Variants in TGS1 observed in about 807,000 individuals in gnomAD.
TGS1 encodes the protein trimethylguanosine synthase.
Under a neutral mutation model 92.2 loss-of-function variants are expected in TGS1, and 69 were observed. The observed-to-expected ratio is 0.75, with a 90% CI of 0.62 to 0.91. The LOEUF (loss-of-function observed/expected upper bound fraction) is 0.91. Among genes scored for constraint, TGS1 ranks in the 40% least tolerant of loss-of-function variants. TGS1 has a pLI of 0.00. For synonymous variants in TGS1, 345 were observed against 338.1 expected (o/e 1.02, Z -0.22); for missense variants, 1,062 against 1,001.2 (o/e 1.06, Z -0.82).
rs1803741147 is a variant in TGS1 at position 55,824,600 on chromosome 8, C to T, written c.2459C>T (p.Pro820Leu). 1.9e-6 allele frequency: 3 copies of T among 1,614,178 alleles called. No individual in the cohort carries two copies. Among genetic ancestry groups the T allele is most frequent in the Admixed American group, 1.7e-5 (1 of 60,020 alleles). Reference sequence around the variant, plus strand: ...TTTTAGGTGGCATCCTTAGCTGGGCCTGGAGGGCAAGTGGAAATAGAACAG... The same window carrying T: ...TTTTAGGTGGCATCCTTAGCTGGGCTTGGAGGGCAAGTGGAAATAGAACAG... Reference protein sequence around the residue: ...DIDQVASLAGPGGQVEIEQNF... With the variant: ...DIDQVASLAGLGGQVEIEQNF... The change falls in exon 13 of 13, where the codon CCT becomes CTT. Residue 820 changes from proline to leucine, a missense_variant. Coordinates refer to ENST00000260129, the MANE Select transcript of TGS1 (RefSeq NM_024831.8).
rs970001244 is a variant in TGS1, at chr8:55,786,742, A to G, written c.844A>G (p.Lys282Glu). Reference protein sequence around the residue: ...TYTSKTEADDKNDEKCMKVDL... With the variant: ...TYTSKTEADDENDEKCMKVDL... ...CACATCTAAAACAGAAGCTGATGAC[A>G]AGAACGATGAAAAATGCATGAAAGT... Residue 282 changes from lysine (K) to glutamate (E), a missense_variant, in exon 4 of 13, where the codon AAG (lysine) becomes GAG (glutamate). By Grantham distance (56) the Lys-to-Glu change is moderately conservative. Transcript: ENST00000260129. 1.2e-6 allele frequency: 2 copies of G among 1,614,062 alleles called. No individual in the cohort carries two copies. Among genetic ancestry groups the G allele is most frequent in the Middle Eastern group, 1.6e-4 (1 of 6,084 alleles).
intron 5 of TGS1, 65 bp downstream of exon 5, chr8:55,790,364 TG>T (rs1811845531): frequency 2.0e-6 from 2 of 1,001,604 alleles, no homozygotes; most frequent in African/African-American, 3.2e-5. Flanking sequence ...CATAAGCCAG[TG>T]GTTATTAAAT....
intron 8 of TGS1, among the ~76,000 whole-genome samples, chr8:55,799,813 G>A (rs28630774): frequency 0.16 from 24,184 of 152,002 alleles, 2,308 homozygotes; most frequent in African/African-American, 0.27. Flanking sequence ...GGCTCAAGCA[G>A]TCCTCCCACC....
Position 55,787,020 on chromosome 8 carries a change from C to A in TGS1, c.1122C>A (p.Ser374Arg), listed in dbSNP as rs748002193. The A allele has an allele frequency of 6.2e-7, 1 of 1,613,802 alleles. No homozygotes were observed. The highest frequency in any genetic ancestry group is 1.1e-5 in the South Asian group (1 of 91,008). Residue 374 changes from serine to arginine, a missense_variant, in exon 4 of 13, where the codon AGC (serine) becomes AGA (arginine). Physicochemically the swap from Ser to Arg is moderately radical, Grantham distance 110. Coordinates refer to ENST00000260129, the MANE Select transcript of TGS1 (RefSeq NM_024831.8). ...EPRNGGTNEE[S>R]NSSGNTNTDP... ...GTAATGGAGGAACCAATGAGGAAAG[C>A]AACTCATCGGGGAATACAAACACAG...
rs755810468 is a variant in TGS1, at chr8:55,805,010, T to C, written c.2117T>C (p.Ile706Thr). Residue 706 changes from isoleucine (I) to threonine (T), a missense_variant, in exon 10 of 13, where the codon ATT becomes ACT. Ile to Thr is a moderately conservative substitution (Grantham distance 89). Coordinates refer to ENST00000260129, the MANE Select transcript of TGS1 (RefSeq NM_024831.8). ...TTCTGTGGAGTTGGAGGAAATACCA[T>C]TCAGTTTGCCTTAACAGGAATGAGA... ...DAFCGVGGNT[I>T]QFALTGMRVI... The C allele has an allele frequency of 6.2e-7, 1 of 1,613,774 alleles. No individual in the cohort carries two copies. Among genetic ancestry groups the C allele is most frequent in the Non-Finnish European group, 8.5e-7 (1 of 1,179,880 alleles).
Position 55,824,848 on chromosome 8 carries a change from T to C in TGS1, c.*145T>C. 3 of 837,388 alleles carry C rather than the reference T, an allele frequency of 3.6e-6. No individual in the cohort carries two copies. The highest frequency in any genetic ancestry group is 5.5e-6 in the Non-Finnish European group (3 of 547,894). 51.9% of individuals were successfully genotyped at this position (837,388 alleles called of 1,614,324 possible). A position where few individuals can be genotyped will look rare whatever the true frequency, so the allele number is the denominator to read the frequency against. ...AATGGAAACTTACAGGACTTAAATA[T>C]CAGTGAAATATTTTGAGATCTTTGA... On this transcript the variant is annotated 3_prime_UTR_variant, in exon 13 of 13. Coordinates refer to ENST00000260129, the MANE Select transcript of TGS1 (RefSeq NM_024831.8).
intron 6 of TGS1, among the ~76,000 whole-genome samples, chr8:55,795,637 A>T (rs1812019392): frequency 6.6e-6 from 1 of 152,108 alleles, no homozygotes; most frequent in African/African-American, 2.4e-5. Context: ...AAATATTTAT[A>T]TATTTATATT....
chr8:55,790,393 C>A, intron 5 of TGS1, 94 bp downstream of exon 5: 2 of 778,646 alleles, frequency 2.6e-6, no homozygotes, highest in Non-Finnish European at 2.2e-6. Context: ...ATGTTCACAA[C>A]ACCAGTAATC....
At chr8:55,789,416 C>G (rs971891237) in intron 4 of TGS1, among the ~76,000 whole-genome samples, 1 of 152,130 alleles carries the variant, frequency 6.6e-6, no homozygotes, top group Admixed American at 6.5e-5. Flanking sequence ...TGATTATGCC[C>G]CCTTTACGGT....
rs201926414 is a variant in TGS1, at chr8:55,824,761, A to G, written c.*58A>G. The G allele has an allele frequency of 5.8e-3, 9,216 of 1,591,284 alleles. 33 individuals carry two copies. Among genetic ancestry groups the G allele is most frequent in the Non-Finnish European group, 7.4e-3 (8,581 of 1,165,156 alleles). Reference sequence around the variant, plus strand: ...AGTGGTCAAAATATTCAGATGAGACATTTGGCATGTCTTCCTTTATTCACT... The same window carrying G: ...AGTGGTCAAAATATTCAGATGAGACGTTTGGCATGTCTTCCTTTATTCACT... On this transcript the variant is annotated 3_prime_UTR_variant, in exon 13 of 13. Coordinates refer to ENST00000260129, the MANE Select transcript of TGS1 (RefSeq NM_024831.8).
Position 55,782,771 on chromosome 8 carries a change from G to A in TGS1, c.125G>A (p.Gly42Glu). ...AGGGATCGAAAATTGTACAATTTGG[G>A]ATTAAAAGGCTATTACATCAGAGAC... is the stretch of plus-strand genomic sequence containing the variant. ...FVEDRKLYNLGLKGYYIRDSG... is the reference protein window; with the variant it reads ...FVEDRKLYNLELKGYYIRDSG... Residue 42 changes from glycine to glutamate, a missense_variant, in exon 2 of 13, where the codon GGA becomes GAA. Gly to Glu is a moderately conservative substitution (Grantham distance 98). Transcript: ENST00000260129. The A allele has an allele frequency of 6.2e-7, 1 of 1,610,904 alleles. No individual in the cohort carries two copies. Among genetic ancestry groups the A allele is most frequent in the Non-Finnish European group, 8.5e-7 (1 of 1,179,036 alleles).
chr8:55,777,408 C>T (rs1486535828), intron 1 of TGS1, among the ~76,000 whole-genome samples: 1 of 152,106 alleles, frequency 6.6e-6, no homozygotes, highest in Non-Finnish European at 1.5e-5. Context: ...GCAACAATCC[C>T]CCCATGCTGG....
chr8:55,800,805 A>G (rs1812194984), intron 8 of TGS1, among the ~76,000 whole-genome samples: 1 of 152,224 alleles, frequency 6.6e-6, no homozygotes, highest in Non-Finnish European at 1.5e-5. Flanking sequence ...CAATGATCAG[A>G]TGAACATATT....
At chr8:55,801,675 G>A (rs1387104339) in intron 8 of TGS1, among the ~76,000 whole-genome samples, 4 of 131,464 alleles carry the variant, frequency 3.0e-5, no homozygotes, top group African/African-American at 5.8e-5. Flanking sequence ...TGCAAGCTCC[G>A]CCTCCCGGGT....
intron 8 of TGS1, among the ~76,000 whole-genome samples, chr8:55,800,082 ATATT>A (rs1421898418): frequency 1.3e-5 from 2 of 152,294 alleles, no homozygotes; most frequent in African/African-American, 4.8e-5. Context: ...TGAAACCATT[ATATT>A]TATTGTGATC....
At chr8:55,804,129 T>C (rs1812296369) in intron 9 of TGS1, among the ~76,000 whole-genome samples, 2 of 152,154 alleles carry the variant, frequency 1.3e-5, no homozygotes, top group Admixed American at 1.3e-4. Flanking sequence ...GTTCCTTGCT[T>C]TTTCCGACCC....
Position 55,785,870 on chromosome 8 carries a change from A to G in TGS1, c.318A>G (p.Ile106Met), listed in dbSNP as rs1811694602. ...SMGLPLQFGR[I>M]TAHKDFEVSM... Reference sequence around the variant, plus strand: ...GATTGCCACTTCAATTTGGTAGGATAACTGCACATAAGGATTTTGAGGTAA... The same window carrying G: ...GATTGCCACTTCAATTTGGTAGGATGACTGCACATAAGGATTTTGAGGTAA... Residue 106 changes from isoleucine (I) to methionine (M), a missense_variant, in exon 3 of 13, where the codon ATA becomes ATG. Coordinates refer to ENST00000260129, the MANE Select transcript of TGS1 (RefSeq NM_024831.8). The G allele has an allele frequency of 6.2e-7, 1 of 1,605,536 alleles. No individual in the cohort carries two copies. The highest frequency in any genetic ancestry group is 8.5e-7 in the Non-Finnish European group (1 of 1,177,456).
intron 1 of TGS1, among the ~76,000 whole-genome samples, chr8:55,781,494 A>T (rs192389526): frequency 6.6e-6 from 1 of 152,334 alleles, no homozygotes; most frequent in Non-Finnish European, 1.5e-5. Context: ...GCTCATTATA[A>T]CCAACTTGCA....
chr8:55,822,545 A>G (rs1230905468), intron 12 of TGS1, among the ~76,000 whole-genome samples: 1 of 149,790 alleles, frequency 6.7e-6, no homozygotes, highest in Non-Finnish European at 1.5e-5. Flanking sequence ...TAAAGACAAA[A>G]TACCTTTTTT....
Sources: gnomAD v4.1 joint callset for allele counts (sites outside exome capture counted in the v4.1 genomes callset) on GRCh38, gnomAD v4.1.1 for gene constraint, MANE v1.5 for transcripts, NCBI Gene and HGNC (gene_info 2026-07-23, HGNC 2026-07-21) for gene names.